AGT: variants seen among roughly 807,000 people sequenced by gnomAD.
AGT encodes angiotensinogen, also known as alpha-1 antiproteinase, antitrypsin.
A neutral mutation model predicts 28.1 loss-of-function variants in AGT; 26 were observed. The ratio of observed to expected loss-of-function variants is 0.92; its 90% confidence interval spans 0.68 to 1.28. The LOEUF is 1.28. Ranked by LOEUF, AGT falls within the 50% of genes most tolerant of loss-of-function variation. AGT has a pLI of 0.00. For missense variants in AGT, 596 were observed against 592.3 expected (o/e 1.01, Z -0.06); for synonymous variants, 259 against 259.6 (o/e 1.00, Z 0.02).
chr1:230,735,255 C>T (rs770635038), intron 1 of AGT, among the ~76,000 whole-genome samples: 14 of 152,214 alleles, frequency 9.2e-5, no homozygotes, highest in East Asian at 1.9e-4. Flanking sequence ...CCGACTGCAG[C>T]GGGAGAAGGG....
upstream of AGT, among the ~76,000 whole-genome samples, chr1:230,718,019 A>G (rs976278017): frequency 1.3e-5 from 2 of 152,196 alleles, no homozygotes; most frequent in African/African-American, 4.8e-5. Context: ...ACTGGAGTGC[A>G]GTGGCATGAT....
chr1:230,716,600 C>G (rs151294000), upstream of AGT, among the ~76,000 whole-genome samples: 2 of 152,272 alleles, frequency 1.3e-5, no homozygotes, highest in East Asian at 3.9e-4. Context: ...GTGCATAAGT[C>G]TCATGAGATC....
intron 1 of AGT, among the ~76,000 whole-genome samples, chr1:230,731,844 G>GT (rs1367210358): frequency 6.6e-6 from 1 of 152,062 alleles, no homozygotes; most frequent in Non-Finnish European, 1.5e-5. Flanking sequence ...TCTAAACTGG[G>GT]TGACAGAGTG....
chr1:230,706,320 GC>G (rs148607932), intron 2 of AGT, 120 bp from the exon 3 acceptor site: 80 of 1,149,264 alleles, frequency 7.0e-5, no homozygotes, highest in African/African-American at 1.7e-4. Flanking sequence ...TCCTTCCTTG[GC>G]CCCCCCCAGG....
chr1:230,712,213 C>T (rs1450910864), intron 1 of AGT, among the ~76,000 whole-genome samples: 1 of 152,162 alleles, frequency 6.6e-6, no homozygotes, highest in Non-Finnish European at 1.5e-5. Flanking sequence ...CTCAAGGCCA[C>T]CTTGATGCCT....
chr1:230,731,500 C>T (rs894380245), intron 1 of AGT, among the ~76,000 whole-genome samples: 2 of 152,246 alleles, frequency 1.3e-5, no homozygotes, highest in Admixed American at 1.3e-4. Flanking sequence ...CTGCCCTTCT[C>T]TCTACAGCCT....
At chr1:230,740,475 C>G (rs762147321) in intron 1 of AGT, among the ~76,000 whole-genome samples, 17 of 152,064 alleles carry the variant, frequency 1.1e-4, no homozygotes, top group Non-Finnish European at 2.2e-4. Context: ...CTCTGACAAA[C>G]CTTACAGGAT....
At chr1:230,732,224 T>C (rs543011549) in intron 1 of AGT, among the ~76,000 whole-genome samples, 1 of 152,296 alleles carries the variant, frequency 6.6e-6, no homozygotes, top group South Asian at 2.1e-4. Context: ...TGGTCTCAAA[T>C]TCTGGGCCTC....
chr1:230,727,108 A>T (rs1438717730), intron 1 of AGT, among the ~76,000 whole-genome samples: 1 of 152,156 alleles, frequency 6.6e-6, no homozygotes, highest in African/African-American at 2.4e-5. Context: ...TTAGAACCAC[A>T]GTGGGCCTTG....
intron 1 of AGT, among the ~76,000 whole-genome samples, chr1:230,730,393 C>A (rs927018290): frequency 2.0e-5 from 3 of 152,096 alleles, no homozygotes; most frequent in Admixed American, 6.5e-5. Context: ...TATATTTTAA[C>A]CCCCTCACCT....
At chr1:230,723,217 G>A (rs1354303375) in intron 1 of AGT, among the ~76,000 whole-genome samples, 2 of 152,002 alleles carry the variant, frequency 1.3e-5, no homozygotes, top group Non-Finnish European at 2.9e-5. Flanking sequence ...CACCATCATT[G>A]TAAGTTTCCT....
chr1:230,706,295 C>T lies in AGT; in HGVS notation c.830-95G>A, dbSNP rs1003241517. On this transcript the variant is annotated intron_variant, in intron 2 of 4. Coordinates refer to ENST00000366667, the MANE Select transcript of AGT (RefSeq NM_001384479.1). ...CACCAAAGGCCCAGATCCTGCCCCT[C>T]GCCCTGCCTCAGCCTCCTTCCTTGG... 16 of 1,414,606 alleles carry T rather than the reference C, an allele frequency of 1.1e-5. No homozygotes were observed. In the African/African-American group the frequency reaches 2.1e-4, roughly 19 times the overall value. 87.6% of individuals were successfully genotyped at this position (1,414,606 alleles called of 1,614,324 possible). A position where few individuals can be genotyped will look rare whatever the true frequency, so the allele number is the denominator to read the frequency against.
chr1:230,722,967 T>C (rs1237726829), intron 1 of AGT, among the ~76,000 whole-genome samples: 1 of 152,188 alleles, frequency 6.6e-6, no homozygotes, highest in East Asian at 1.9e-4. Context: ...GGTTTAGCTC[T>C]GTGTCCCCAC....
At chr1:230,744,171 G>A (rs1220435470) in intron 1 of AGT, among the ~76,000 whole-genome samples, 1 of 152,200 alleles carries the variant, frequency 6.6e-6, no homozygotes, top group African/African-American at 2.4e-5. Flanking sequence ...TCCCAGTGTG[G>A]GTGAGGAAGT....
At chr1:230,728,280 G>A (rs1043013375) in intron 1 of AGT, among the ~76,000 whole-genome samples, 19 of 152,120 alleles carry the variant, frequency 1.2e-4, no homozygotes, top group African/African-American at 4.6e-4. Flanking sequence ...CCAGAATAAC[G>A]GCTGGTGATT....
chr1:230,733,092 A>T (rs944087804), intron 1 of AGT, among the ~76,000 whole-genome samples: 1 of 151,970 alleles, frequency 6.6e-6, no homozygotes, highest in Non-Finnish European at 1.5e-5. Context: ...GATCAGCCCA[A>T]CCAACATGGA....
At chr1:230,741,198 C>T (rs73102689) in intron 1 of AGT, among the ~76,000 whole-genome samples, 11,261 of 152,256 alleles carry the variant, frequency 0.074, 607 homozygotes, top group East Asian at 0.13. Context: ...TTCTCAGGGA[C>T]GGAAGTACAA....
In AGT at chr1:230,703,140, C is replaced by G. The variant is rs1663278614; in HGVS notation, c.*1G>C. 6.2e-7 allele frequency: 1 copy of G among 1,613,362 alleles called. No homozygotes were observed. Among genetic ancestry groups the G allele is most frequent in the South Asian group, 1.1e-5 (1 of 91,052 alleles). ...AGGCACTGTGTTCTGGGGCCCTGGCCTCATGCTGTGCTCAGCGGGTTGGCC... is the reference window on the plus strand; with the variant it reads ...AGGCACTGTGTTCTGGGGCCCTGGCGTCATGCTGTGCTCAGCGGGTTGGCC... On this transcript the variant is annotated 3_prime_UTR_variant, in exon 5 of 5. Coordinates refer to ENST00000366667, the MANE Select transcript of AGT (RefSeq NM_001384479.1).
intron 1 of AGT, among the ~76,000 whole-genome samples, chr1:230,712,994 C>A (rs1163487646): frequency 6.6e-6 from 1 of 152,166 alleles, no homozygotes; most frequent in Non-Finnish European, 1.5e-5. Context: ...TTGCAGGGCA[C>A]TGTTCTCATA....
Sources: allele counts gnomAD v4.1 joint callset (sites outside exome capture counted in the v4.1 genomes callset), GRCh38; gene constraint gnomAD v4.1.1; transcripts MANE v1.5; gene names NCBI Gene and HGNC (gene_info 2026-07-23, HGNC 2026-07-21).